The following AKAP9 variants were observed in gnomAD, a reference collection of about 807,000 sequenced individuals.
AKAP9 encodes the protein A-kinase anchoring protein 9.
AKAP9 carries 311 observed loss-of-function variants against 488.5 expected under a neutral mutation model. The ratio of observed to expected loss-of-function variants is 0.64; its 90% CI spans 0.58 to 0.70. AKAP9 has a LOEUF of 0.70. Among genes scored for constraint, AKAP9 ranks in the 30% least tolerant of loss-of-function variants. The probability of loss-of-function intolerance (pLI) is 0.00; values close to 1 mark genes in which losing one functional copy is unlikely to be tolerated. For synonymous variants in AKAP9, 1,462 were observed against 1,483.5 expected, an observed-to-expected ratio of 0.99 and a Z score of 0.33; for missense variants, 4,215 against 4,374.5, an observed-to-expected ratio of 0.96 and a Z score of 1.03.
intron 3 of AKAP9, among the ~76,000 whole-genome samples, chr7:91,981,900 G>A (rs1237496204): frequency 6.6e-6 from 1 of 152,098 alleles, no homozygotes; most frequent in African/African-American, 2.4e-5. Context: ...CACCGCACCT[G>A]GCTATAGCTT....
At position 92,016,144 on chromosome 7, in the gene AKAP9, C is replaced by T. The variant is rs1428257867; in HGVS notation, c.3628C>T (p.Leu1210Phe). Residue 1210 changes from leucine (L) to phenylalanine (F), a missense_variant, in exon 11 of 50, where the codon CTT becomes TTT. By Grantham distance (22) the Leu-to-Phe change is conservative (BLOSUM62 0). Coordinates refer to ENST00000356239, the MANE Select transcript of AKAP9 (RefSeq NM_005751.5). ...SYFLQTLCSV[L>F]GEYYTPALKC... is the part of the protein sequence containing the mutation. ...TTGTTAACAGACTTTATGCAGTGTC[C>T]TTGGTGAATATTATACTCCTGCTTT... The T allele has an allele frequency of 6.2e-7, 1 of 1,603,574 alleles. No homozygotes were observed. The highest frequency in any genetic ancestry group is 1.1e-5 in the South Asian group (1 of 90,720).
Position 92,110,324 on chromosome 7 carries a change from G to A in AKAP9, c.*165G>A. 2 of 621,634 alleles carry A rather than the reference G, an allele frequency of 3.2e-6. No homozygotes were observed. The highest frequency in any genetic ancestry group is 2.9e-6 in the Non-Finnish European group (1 of 349,190). 38.5% of individuals were successfully genotyped at this position (621,634 alleles called of 1,614,324 possible). ...AGCACATGAAAACAAACTGGAATTT[G>A]TATATATAAGCATTGTGTATGTATT... On this transcript the variant is annotated 3_prime_UTR_variant, in exon 50 of 50. Coordinates refer to ENST00000356239, the MANE Select transcript of AKAP9 (RefSeq NM_005751.5).
chr7:91,950,379 G>A (rs1203572090), intron 1 of AKAP9, among the ~76,000 whole-genome samples: 1 of 152,010 alleles, frequency 6.6e-6, no homozygotes. Context: ...ACAGGTGCAC[G>A]CTGCCAAGCC....
At chr7:92,062,614 A>G (rs1810074019) in intron 24 of AKAP9, 128 bp downstream of exon 24, 1 of 794,826 alleles carries the variant, frequency 1.3e-6, no homozygotes, top group African/African-American at 1.8e-5. Flanking sequence ...TTAAAAAATT[A>G]TAAGAAAATC....
chr7:91,986,844 C>A (rs1398025469), intron 3 of AKAP9, among the ~76,000 whole-genome samples: 1 of 151,692 alleles, frequency 6.6e-6, no homozygotes, highest in Non-Finnish European at 1.5e-5. Context: ...TTGACCATAG[C>A]TCATGGTGAG....
rs903170437 is a variant in AKAP9 at position 92,002,031 on chromosome 7, T to G, written c.2114T>G (p.Leu705Ter). The change falls in exon 8 of 50, where the codon TTA becomes TGA. Residue 705 changes from leucine to a stop codon, truncating the protein, a stop_gained. Transcript: ENST00000356239. LOFTEE classifies it high-confidence loss of function. ...TTGGAAATTTCAAAGCTAAAAGATT[T>G]ACAGCAGTCTCTTGTAAATTCAAAG... The part of the protein sequence containing the change: ...LILEISKLKD[L>*]QQSLVNSKSE... 1 of 1,607,948 alleles carries G rather than the reference T, an allele frequency of 6.2e-7. No individual in the cohort carries two copies. The highest frequency in any genetic ancestry group is 8.5e-7 in the Non-Finnish European group (1 of 1,178,178).
At chr7:92,101,679 C>T (rs1249872953) in intron 45 of AKAP9, among the ~76,000 whole-genome samples, 1 of 152,160 alleles carries the variant, frequency 6.6e-6, no homozygotes, top group African/African-American at 2.4e-5. Flanking sequence ...CTACTATTGT[C>T]AATGTAAGAA....
intron 2 of AKAP9, among the ~76,000 whole-genome samples, chr7:91,978,524 G>T (rs1407731894): frequency 6.6e-6 from 1 of 152,086 alleles, no homozygotes; most frequent in Non-Finnish European, 1.5e-5. Flanking sequence ...TTTGTTCCTT[G>T]ACTCTTTCTA....
chr7:92,088,084 A>G (rs114437200), intron 37 of AKAP9, among the ~76,000 whole-genome samples: 91 of 152,266 alleles, frequency 6.0e-4, no homozygotes, highest in African/African-American at 2.0e-3. Context: ...ATATTTACAT[A>G]GTCTCAAAGT....
At position 92,070,093 on chromosome 7, in the gene AKAP9, A is replaced by G. The variant is rs752485780; in HGVS notation, c.6394A>G (p.Lys2132Glu). Reference sequence around the variant, plus strand: ...CAAATGCAGTGAGCTTTTGCTCTCTAAAGAGCAGCTTCAAAGGGATATACA... The same window carrying G: ...CAAATGCAGTGAGCTTTTGCTCTCTGAAGAGCAGCTTCAAAGGGATATACA... ...TDKCSELLLS[K>E]EQLQRDIQER... is the part of the protein sequence containing the mutation. The change falls in exon 27 of 50, where the codon AAA (lysine) becomes GAA (glutamate). Residue 2132 changes from lysine (K) to glutamate (E), a missense_variant. Coordinates refer to ENST00000356239, the MANE Select transcript of AKAP9 (RefSeq NM_005751.5). The G allele has an allele frequency of 1.9e-6, 3 of 1,614,062 alleles. No homozygotes were observed. The highest frequency in any genetic ancestry group is 1.7e-6 in the Non-Finnish European group (2 of 1,179,974).
intron 21 of AKAP9, among the ~76,000 whole-genome samples, chr7:92,051,421 GT>G (rs1807964813): frequency 6.6e-6 from 1 of 152,192 alleles, no homozygotes; most frequent in South Asian, 2.1e-4. Flanking sequence ...TGTAGCTGAT[GT>G]GTTTTTTACT....
Position 92,110,445 on chromosome 7 carries a change from G to T in AKAP9, c.*286G>T. 4.4e-6 allele frequency: 2 copies of T among 453,284 alleles called. No individual in the cohort carries two copies. 28.1% of individuals were successfully genotyped at this position (453,284 alleles called of 1,614,324 possible). On this transcript the variant is annotated 3_prime_UTR_variant, in exon 50 of 50. Transcript: ENST00000356239. ...TGTGTATTTATCAAATGGGTGAAAA[G>T]ATTAAACTTTTACGCATTACAATAC...
chr7:92,025,975 T>C (rs953095947), intron 14 of AKAP9, among the ~76,000 whole-genome samples: 1 of 152,216 alleles, frequency 6.6e-6, no homozygotes, highest in Non-Finnish European at 1.5e-5. Context: ...TAAACCCATG[T>C]CTTTGTGGCG....
chr7:92,002,826 A>T lies in AKAP9; in HGVS notation c.2909A>T (p.His970Leu), dbSNP rs1799334548. The change falls in exon 8 of 50, where the codon CAT becomes CTT. Residue 970 changes from histidine (H) to leucine (L), a missense_variant. By Grantham distance (99) the His-to-Leu change is moderately conservative. This residue lies in a region of AKAP9 where 2,361 missense variants were observed against 2,430.0 expected (regional missense o/e 0.97). Coordinates refer to ENST00000356239, the MANE Select transcript of AKAP9 (RefSeq NM_005751.5). Reference protein sequence around the residue: ...SDLSEQLKQKHGEISFLNEEV... With the variant: ...SDLSEQLKQKLGEISFLNEEV... ...CTTTCTGAACAATTGAAACAGAAAC[A>T]TGGTGAGATTAGTTTTCTAAATGAA... is the stretch of plus-strand genomic sequence containing the variant. The T allele has an allele frequency of 6.2e-7, 1 of 1,613,544 alleles. No individual in the cohort carries two copies. Among genetic ancestry groups the T allele is most frequent in the South Asian group, 1.1e-5 (1 of 91,020 alleles).
rs1813970987 is a variant in AKAP9, at chr7:92,083,540, C to A, written c.8531C>A (p.Ser2844Tyr). The change falls in exon 33 of 50, where the codon TCC becomes TAC. Residue 2844 changes from serine to tyrosine, a missense_variant. By Grantham distance (144) the Ser-to-Tyr change is moderately radical (BLOSUM62 -2). Transcript: ENST00000356239. ...LHAAEILDME[S>Y]RHISETETLK... ...GCTGCTGAAATTTTGGACATGGAAT[C>A]CAGACATATTTCAGAAACTGAAACC... The A allele has an allele frequency of 6.9e-6, 11 of 1,602,208 alleles. No homozygotes were observed. Among genetic ancestry groups the A allele is most frequent in the Non-Finnish European group, 9.4e-6 (11 of 1,174,952 alleles).
chr7:92,066,650 T>C, intron 26 of AKAP9, 104 bp downstream of exon 26: 4 of 1,403,786 alleles, frequency 2.8e-6, no homozygotes, highest in Non-Finnish European at 4.0e-6. Context: ...CCTTTGTATG[T>C]AAATCTTCAA....
chr7:92,024,843 C>T (rs1478854756), intron 14 of AKAP9, among the ~76,000 whole-genome samples: 3 of 152,152 alleles, frequency 2.0e-5, no homozygotes, highest in Non-Finnish European at 4.4e-5. Context: ...TTGTTTGGAA[C>T]TAGTCGTTAC....
intron 21 of AKAP9, among the ~76,000 whole-genome samples, chr7:92,047,300 T>A (rs1807170711): frequency 6.6e-6 from 1 of 152,076 alleles, no homozygotes; most frequent in South Asian, 2.1e-4. Context: ...TACTGCAACC[T>A]CCACCTCCTG....
chr7:92,093,286 A>G lies in AKAP9; in HGVS notation c.9548A>G (p.His3183Arg). 2 of 1,614,134 alleles carry G rather than the reference A, an allele frequency of 1.2e-6. No individual in the cohort carries two copies. Among genetic ancestry groups the G allele is most frequent in the Non-Finnish European group, 1.7e-6 (2 of 1,180,034 alleles). Residue 3183 changes from histidine (H) to arginine (R), a missense_variant, in exon 39 of 50, where the codon CAT (histidine) becomes CGT (arginine). By Grantham distance (29) the His-to-Arg change is conservative (BLOSUM62 0). Around this residue, in one of 5 missense-constraint regions of AKAP9, gnomAD observed 1,476 missense variants for 1,477.4 expected, o/e 1.00. Transcript: ENST00000356239. ...LELETTLKAQ[H>R]KHLKELEAFR... ...CTAGAAACAACACTCAAGGCACAGCATAAACACCTAAAAGAATTGGAGGCT... is the reference window on the plus strand; with the variant it reads ...CTAGAAACAACACTCAAGGCACAGCGTAAACACCTAAAAGAATTGGAGGCT...
Sources: allele counts gnomAD v4.1 joint callset (sites outside exome capture counted in the v4.1 genomes callset), GRCh38; gene constraint gnomAD v4.1.1; regional missense constraint gnomAD v4.1.1; transcripts MANE v1.5; gene names NCBI Gene and HGNC (gene_info 2026-07-23, HGNC 2026-07-21).